The following PRKN variants were observed in gnomAD, a reference collection of about 807,000 sequenced individuals.
PRKN encodes the protein E3 ubiquitin-protein ligase parkin.
Under a neutral mutation model 59.5 loss-of-function variants are expected in PRKN, and 56 were observed. The ratio of observed to expected loss-of-function variants is 0.94; its 90% CI spans 0.76 to 1.18. PRKN has a LOEUF of 1.18. Ranked by LOEUF, PRKN falls within the 50% of genes most tolerant of loss-of-function variation. The pLI is 0.00. For synonymous variants in PRKN, 250 were observed against 222.1 expected, an observed-to-expected ratio of 1.13 and a Z score of -1.12; for missense variants, 657 against 596.4, an observed-to-expected ratio of 1.10 and a Z score of -1.06.
Position 161,356,004 on chromosome 6 carries a change from C to G in PRKN, c.1285+4084G>C, listed in dbSNP as rs1784732833. Reference sequence around the variant, plus strand: ...TCGGGCACAGCCTAAGAGGCCTGAGCTGACGTCCAGGAGCTCTGGGGATGG... The same window carrying G: ...TCGGGCACAGCCTAAGAGGCCTGAGGTGACGTCCAGGAGCTCTGGGGATGG... On this transcript the variant is annotated intron_variant, in intron 11 of 11. Transcript: ENST00000366898. This position sits in a 1 kb window ranked among gnomAD's most constrained non-coding sequence, Gnocchi z 7.8. 1.3e-5 allele frequency among the ~76,000 whole-genome samples: 2 copies of G among 152,210 alleles called. No individual in the cohort carries two copies. The highest frequency in any genetic ancestry group is 4.1e-4 in the South Asian group (2 of 4,824).
At chr6:162,454,058 AAAT>A (rs1790750751) in intron 1 of PRKN, among the ~76,000 whole-genome samples, 1 of 152,198 alleles carries the variant, frequency 6.6e-6, no homozygotes, top group African/African-American at 2.4e-5. Context: ...ACCTCATCAA[AAAT>A]AATAATCATA....
chr6:162,674,762 T>A (rs991354030), intron 1 of PRKN, among the ~76,000 whole-genome samples: 1 of 152,046 alleles, frequency 6.6e-6, no homozygotes, highest in Non-Finnish European at 1.5e-5. Context: ...GAAGAAAGAA[T>A]AGAGGCTAAA....
intron 7 of PRKN, among the ~76,000 whole-genome samples, chr6:161,691,543 G>A (rs560441770): frequency 2.0e-4 from 31 of 152,282 alleles, no homozygotes; most frequent in East Asian, 3.9e-4. Context: ...ATTATCTGGA[G>A]CCTGTCTAGG....
chr6:162,343,245 C>A (rs530332641), intron 2 of PRKN, among the ~76,000 whole-genome samples: 35 of 152,070 alleles, frequency 2.3e-4, no homozygotes, highest in Non-Finnish European at 4.4e-4. Context: ...AGACTGTTAA[C>A]CTTGGGATCA....
intron 2 of PRKN, among the ~76,000 whole-genome samples, chr6:162,263,705 G>C (rs1232079307): frequency 1.3e-5 from 2 of 152,030 alleles, no homozygotes; most frequent in South Asian, 2.1e-4. Flanking sequence ...TCTAATCCCA[G>C]CACTTTGAGA....
chr6:162,044,334 C>T (rs1324914231), intron 5 of PRKN, among the ~76,000 whole-genome samples: 2 of 152,194 alleles, frequency 1.3e-5, no homozygotes, highest in Non-Finnish European at 2.9e-5. Flanking sequence ...TCCTGTTTCT[C>T]AGCCATCACC....
chr6:162,145,020 C>A (rs1781962261), intron 4 of PRKN, among the ~76,000 whole-genome samples: 1 of 152,086 alleles, frequency 6.6e-6, no homozygotes, highest in African/African-American at 2.4e-5. Flanking sequence ...TTTTTAATCA[C>A]TAATTATAAG....
At chr6:161,604,961 T>G (rs1032737313) in intron 7 of PRKN, among the ~76,000 whole-genome samples, 1 of 152,158 alleles carries the variant, frequency 6.6e-6, no homozygotes, top group African/African-American at 2.4e-5. Flanking sequence ...TGACACATTC[T>G]TAAGAGACAC....
At position 162,631,889 on chromosome 6, in the gene PRKN, T is replaced by C. The variant is rs548920393; in HGVS notation, c.7+95773A>G. On this transcript the variant is annotated intron_variant, in intron 1 of 11. Transcript: ENST00000366898. ...TAGGGTGAAAGGCATCCAGGTTCAG[T>C]CTTCTGCATACAGCCAGTTAATCAA... Among the ~76,000 whole-genome samples the C allele has an allele frequency of 2.6e-5, 4 of 151,766 alleles. No individual in the cohort carries two copies. In the South Asian group the frequency reaches 8.3e-4, roughly 32 times the overall value.
intron 6 of PRKN, among the ~76,000 whole-genome samples, chr6:161,826,768 A>G (rs1792261679): frequency 1.3e-5 from 2 of 152,228 alleles, no homozygotes; most frequent in Non-Finnish European, 2.9e-5. Context: ...GACAGCACCA[A>G]TTCAACAGAG....
chr6:161,502,779 A>G lies in PRKN; in HGVS notation c.1083+46075T>C, dbSNP rs965088505. On this transcript the variant is annotated intron_variant, in intron 9 of 11. Coordinates refer to ENST00000366898, the MANE Select transcript of PRKN (RefSeq NM_004562.3). The surrounding 1 kb of genome is among the most constrained non-coding windows in gnomAD (Gnocchi z 4.0). ...ATGAGGTGGCTCTGATCCATGCTCTACGGTGAATGTGTGGGAAGGACAGGT... is the reference window on the plus strand; with the variant it reads ...ATGAGGTGGCTCTGATCCATGCTCTGCGGTGAATGTGTGGGAAGGACAGGT... 6.6e-6 allele frequency among the ~76,000 whole-genome samples: 1 copy of G among 152,158 alleles called. No individual in the cohort carries two copies.
chr6:161,553,869 A>T (rs1191042217), intron 8 of PRKN, among the ~76,000 whole-genome samples: 1 of 152,190 alleles, frequency 6.6e-6, no homozygotes, highest in African/African-American at 2.4e-5. Flanking sequence ...TCCTGACACC[A>T]TTCAATAGCT....
chr6:162,648,985 G>T (rs1002872514), intron 1 of PRKN, among the ~76,000 whole-genome samples: 4 of 152,176 alleles, frequency 2.6e-5, no homozygotes, highest in Admixed American at 1.3e-4. Context: ...TTGAAGAGAA[G>T]GAATTGTGCC....
chr6:162,424,263 G>A (rs1789114996), intron 2 of PRKN, among the ~76,000 whole-genome samples: 1 of 152,182 alleles, frequency 6.6e-6, no homozygotes, highest in African/African-American at 2.4e-5. Flanking sequence ...AATGGGTGAT[G>A]AGGTAGAGCA....
At chr6:162,685,080 C>G (rs553105970) in intron 1 of PRKN, among the ~76,000 whole-genome samples, 1 of 152,284 alleles carries the variant, frequency 6.6e-6, no homozygotes, top group African/African-American at 2.4e-5. Context: ...AGTCACACTG[C>G]TTACCAGCTA....
intron 1 of PRKN, among the ~76,000 whole-genome samples, chr6:162,518,578 G>A (rs1386644179): frequency 1.3e-5 from 2 of 152,210 alleles, no homozygotes; most frequent in African/African-American, 4.8e-5. Flanking sequence ...TGTTGGCCAG[G>A]CTGGTCTCGA....
At chr6:161,661,013 T>C (rs1172349679) in intron 7 of PRKN, among the ~76,000 whole-genome samples, 2 of 152,140 alleles carry the variant, frequency 1.3e-5, no homozygotes, top group Non-Finnish European at 1.5e-5. Flanking sequence ...ACCTCTCGTA[T>C]GTGCAGAGAC....
At chr6:162,422,954 C>CAAAAAAAAAA (rs61557917) in intron 2 of PRKN, among the ~76,000 whole-genome samples, 37 of 65,656 alleles carry the variant, frequency 5.6e-4, no homozygotes, top group African/African-American at 7.1e-4. Context: ...TCCAAGAGAC[C>CAAAAAAAAAA]AAAAAAAAAA....
intron 1 of PRKN, among the ~76,000 whole-genome samples, chr6:162,517,819 T>C (rs1447225989): frequency 6.6e-6 from 1 of 152,186 alleles, no homozygotes; most frequent in Non-Finnish European, 1.5e-5. Flanking sequence ...CTACATCATA[T>C]ATTATATTAA....
Sources: gnomAD v4.1 joint callset for allele counts (sites outside exome capture counted in the v4.1 genomes callset) on GRCh38, gnomAD v4.1.1 for gene constraint, Gnocchi (gnomAD v3.1) non-coding constraint, MANE v1.5 for transcripts, NCBI Gene and HGNC (gene_info 2026-07-23, HGNC 2026-07-21) for gene names.